Variants in ADAM23 observed in about 807,000 individuals in gnomAD.
The protein encoded by ADAM23 is ADAM metallopeptidase domain 23.
ADAM23 carries 33 observed loss-of-function variants against 120.1 expected under a neutral mutation model. The observed-to-expected ratio is 0.27, with a 90% confidence interval of 0.21 to 0.37. The LOEUF is 0.37. Among genes scored for constraint, ADAM23 ranks in the 10% least tolerant of loss-of-function variants. The pLI, the probability that ADAM23 is intolerant of heterozygous loss-of-function variation, is 1.00. For synonymous variants in ADAM23, 367 were observed against 375.2 expected (o/e 0.98, Z 0.25); for missense variants, 862 against 1,058.2 (o/e 0.81, Z 2.57).
At chr2:206,542,008 C>T in intron 4 of ADAM23, 44 bp from the exon 5 acceptor site, 2 of 1,589,732 alleles carry the variant, frequency 1.3e-6, no homozygotes, top group African/African-American at 2.7e-5. Context: ...AAGAATTAAT[C>T]ATAATGCATA....
At chr2:206,506,822 C>G (rs1696506565) in intron 3 of ADAM23, among the ~76,000 whole-genome samples, 1 of 152,142 alleles carries the variant, frequency 6.6e-6, no homozygotes, top group Admixed American at 6.5e-5. Context: ...AGTCATGTCC[C>G]TTGGTTTTAT....
chr2:206,484,808 AG>A (rs1165664913), intron 3 of ADAM23, among the ~76,000 whole-genome samples: 4 of 152,192 alleles, frequency 2.6e-5, no homozygotes, highest in African/African-American at 9.6e-5. Flanking sequence ...GTGTCATGGG[AG>A]GGCCCCAGTG....
intron 14 of ADAM23, among the ~76,000 whole-genome samples, chr2:206,567,006 G>A (rs1390414660): frequency 6.6e-6 from 1 of 152,188 alleles, no homozygotes; most frequent in Admixed American, 6.5e-5. Context: ...AGGTTGTAAT[G>A]TAGCCCCCAA....
rs758500062 is a variant in ADAM23, at chr2:206,547,499, T to C, written c.791T>C (p.Leu264Pro). The C allele has an allele frequency of 5.0e-6, 8 of 1,608,382 alleles. No individual in the cohort carries two copies. Among genetic ancestry groups the C allele is most frequent in the Non-Finnish European group, 6.0e-6 (7 of 1,175,598 alleles). Residue 264 changes from leucine to proline, a missense_variant and splice_region_variant, in exon 7 of 26, where the codon CTC (leucine) becomes CCC (proline). By Grantham distance (98) the Leu-to-Pro change is moderately conservative (BLOSUM62 -3). Around this residue, in one of 4 missense-constraint regions of ADAM23, gnomAD observed 617 missense variants for 813.5 expected, o/e 0.76. Transcript: ENST00000264377. ...CAGTATTCTAAGCAAATGAAGAATC[T>C]CAGTAAGTTTTAACTAAAAATAGCG... The part of the protein sequence containing the change: ...AGQYSKQMKN[L>P]TMERGDQWPF...
chr2:206,509,252 C>A (rs1258379827), intron 3 of ADAM23, among the ~76,000 whole-genome samples: 1 of 152,018 alleles, frequency 6.6e-6, no homozygotes, highest in Non-Finnish European at 1.5e-5. Flanking sequence ...AAAACAGATT[C>A]GTATTCAGAA....
At position 206,564,120 on chromosome 2, in the gene ADAM23, A is replaced by G. The variant is rs575148591; in HGVS notation, c.1346-900A>G. On this transcript the variant is annotated intron_variant, in intron 13 of 25. Coordinates refer to ENST00000264377, the MANE Select transcript of ADAM23 (RefSeq NM_003812.4). The stretch of plus-strand genomic sequence containing the variant: ...GTTTAAAAAATCCATTTGGAAGTCT[A>G]TCTTTGCATATACCTCTCTCTCTCT... Among the ~76,000 whole-genome samples the G allele has an allele frequency of 2.6e-3, 396 of 152,152 alleles. 1 individual carries two copies. The highest frequency in any genetic ancestry group is 2.6e-3 in the Non-Finnish European group (178 of 67,998).
In ADAM23 at chr2:206,595,446, C is replaced by CT. The variant is rs1212745917; in HGVS notation, c.2247+542dup. On this transcript the variant is annotated intron_variant, in intron 23 of 25. Transcript: ENST00000264377. Reference sequence around the variant, plus strand: ...ACTCTGGGGTCCTCAGCTTGGCTGACTGAGAAAAGAGGGTTACCAAGGACT... The same window carrying CT: ...ACTCTGGGGTCCTCAGCTTGGCTGACTTGAGAAAAGAGGGTTACCAAGGACT... Among the ~76,000 whole-genome samples the CT allele has an allele frequency of 9.4e-5, 14 of 149,140 alleles. 1 individual carries two copies. The highest frequency in any genetic ancestry group is 4.7e-4 in the Admixed American group (7 of 14,908).
At chr2:206,507,906 G>A (rs1444411337) in intron 3 of ADAM23, among the ~76,000 whole-genome samples, 1 of 152,162 alleles carries the variant, frequency 6.6e-6, no homozygotes, top group Non-Finnish European at 1.5e-5. Flanking sequence ...CAGATCTGCA[G>A]ACCAATGATC....
intron 2 of ADAM23, among the ~76,000 whole-genome samples, chr2:206,477,700 A>G (rs1190937278): frequency 6.6e-6 from 1 of 151,906 alleles, no homozygotes; most frequent in East Asian, 1.9e-4. Flanking sequence ...TAAAAGAAGA[A>G]CAATACTGTA....
intron 2 of ADAM23, among the ~76,000 whole-genome samples, chr2:206,449,096 C>T (rs1695139813): frequency 1.3e-5 from 2 of 152,006 alleles, no homozygotes; most frequent in South Asian, 2.1e-4. Context: ...TGGAGGACAT[C>T]GAGGTGGTAT....
chr2:206,531,246 G>T (rs1452641583), intron 4 of ADAM23, among the ~76,000 whole-genome samples: 1 of 152,182 alleles, frequency 6.6e-6, no homozygotes, highest in African/African-American at 2.4e-5. Flanking sequence ...GAAGGATGAG[G>T]CTCATGGCCA....
chr2:206,470,386 A>G (rs1163637656), intron 2 of ADAM23, among the ~76,000 whole-genome samples: 1 of 152,180 alleles, frequency 6.6e-6, no homozygotes, highest in Non-Finnish European at 1.5e-5. Context: ...GTATGAAAAT[A>G]GGAGATTCTG....
chr2:206,605,809 G>A (rs1001393997), intron 24 of ADAM23: 2 of 701,712 alleles, frequency 2.9e-6, no homozygotes, highest in Admixed American at 4.0e-5. Context: ...CCACAAGCAG[G>A]CTAATAGGGG....
chr2:206,585,543 T>C (rs1698304777), intron 18 of ADAM23, among the ~76,000 whole-genome samples: 1 of 152,240 alleles, frequency 6.6e-6, no homozygotes, highest in Non-Finnish European at 1.5e-5. Flanking sequence ...AAATTAGTTC[T>C]GTTATCTTTC....
At position 206,504,329 on chromosome 2, in the gene ADAM23, G is replaced by C. The variant is rs184833873; in HGVS notation, c.509+23021G>C. 2.9e-3 allele frequency among the ~76,000 whole-genome samples: 438 copies of C among 152,138 alleles called. 1 individual carries two copies. The highest frequency in any genetic ancestry group is 6.8e-3 in the Middle Eastern group (2 of 294). ...TCTTGTTATATAGGTTATCATATTT[G>C]CCCTGAGTGAACCTGTTGTATCAGC... On this transcript the variant is annotated intron_variant, in intron 3 of 25. Coordinates refer to ENST00000264377, the MANE Select transcript of ADAM23 (RefSeq NM_003812.4).
rs559586709 is a variant in ADAM23, at chr2:206,502,772, G to A, written c.509+21464G>A. On this transcript the variant is annotated intron_variant, in intron 3 of 25. Transcript: ENST00000264377. The stretch of plus-strand genomic sequence containing the variant: ...ATTATAGGTGTTCTTAAAAATTACA[G>A]TTTGTGGACATGTAATTTTATTTAC... Among the ~76,000 whole-genome samples, 113 of 152,226 alleles carry A rather than the reference G, an allele frequency of 7.4e-4. 1 individual carries two copies. The highest frequency in any genetic ancestry group is 2.2e-3 in the African/African-American group (93 of 41,548).
intron 25 of ADAM23, among the ~76,000 whole-genome samples, chr2:206,613,975 A>C (rs1026935545): frequency 6.6e-6 from 1 of 152,152 alleles, no homozygotes; most frequent in African/African-American, 2.4e-5. Flanking sequence ...TGAAAATTGA[A>C]ATCAAAAGGA....
intron 3 of ADAM23, among the ~76,000 whole-genome samples, chr2:206,486,145 A>G (rs1282481503): frequency 6.6e-6 from 1 of 152,224 alleles, no homozygotes; most frequent in Non-Finnish European, 1.5e-5. Context: ...GGCAGTAAGC[A>G]TGGAAGAGAC....
intron 24 of ADAM23, among the ~76,000 whole-genome samples, chr2:206,604,688 A>G (rs917221917): frequency 6.6e-6 from 1 of 152,204 alleles, no homozygotes; most frequent in African/African-American, 2.4e-5. Flanking sequence ...GAAATCCAAG[A>G]TTCTTTCTCT....
Sources: allele counts gnomAD v4.1 joint callset (sites outside exome capture counted in the v4.1 genomes callset), GRCh38; gene constraint gnomAD v4.1.1; regional missense constraint gnomAD v4.1.1; transcripts MANE v1.5; gene names NCBI Gene and HGNC (gene_info 2026-07-23, HGNC 2026-07-21).